COA1: variants seen among roughly 807,000 people sequenced by gnomAD.
COA1 encodes the protein cytochrome c oxidase assembly factor 1 homolog.
Under a neutral mutation model 16.0 loss-of-function variants are expected in COA1, and 13 were observed. The ratio of observed to expected loss-of-function variants is 0.81; its 90% CI spans 0.53 to 1.29. The LOEUF is 1.29. COA1 is among the 50% of genes most tolerant of loss of function. COA1 has a pLI of 0.00. For missense variants in COA1, 179 were observed against 177.0 expected, an observed-to-expected ratio of 1.01 and a Z score of -0.06; for synonymous variants, 65 against 65.7, an observed-to-expected ratio of 0.99 and a Z score of 0.05.
At position 43,609,792 on chromosome 7, in the gene COA1, AC is replaced by A. The variant is rs1182964849; in HGVS notation, c.*134-298del. On this transcript the variant is annotated intron_variant and NMD_transcript_variant, in intron 6 of 6. Coordinates refer to the COA1 transcript ENST00000415076. The stretch of plus-strand genomic sequence containing the variant: ...CTGAGAAGGCCGAAGCCTCTGGACC[AC>A]CCCCAAAAAACTTTCCCATCCTGAA... Among the ~76,000 whole-genome samples, 2 of 152,160 alleles carry A rather than the reference AC, an allele frequency of 1.3e-5. 1 individual carries two copies. The highest frequency in any genetic ancestry group is 4.1e-4 in the South Asian group (2 of 4,826).
At chr7:43,667,761 G>A (rs2092979067) in intron 1 of COA1, among the ~76,000 whole-genome samples, 1 of 152,208 alleles carries the variant, frequency 6.6e-6, no homozygotes, top group African/African-American at 2.4e-5. Context: ...CTAATTAAAT[G>A]GACTGGACTC....
chr7:43,689,169 T>C (rs1198495356), intron 1 of COA1, among the ~76,000 whole-genome samples: 1 of 152,222 alleles, frequency 6.6e-6, no homozygotes. Context: ...CAGATAGAAA[T>C]GAGTGATTCC....
At chr7:43,623,725 A>G (rs1326681930) in intron 6 of COA1, 1 of 1,606,784 alleles carries the variant, frequency 6.2e-7, no homozygotes, top group Admixed American at 1.7e-5. Flanking sequence ...TGGAGTGTTA[A>G]CATATGTCAT....
chr7:43,698,233 G>A (rs77664025), intron 1 of COA1, among the ~76,000 whole-genome samples: 1,686 of 152,242 alleles, frequency 0.011, 29 homozygotes, highest in African/African-American at 0.037. Flanking sequence ...AAATCAGAAA[G>A]GTTAATTTCA....
chr7:43,714,495 G>A (rs2095339742), intron 1 of COA1, among the ~76,000 whole-genome samples: 1 of 151,834 alleles, frequency 6.6e-6, no homozygotes, highest in African/African-American at 2.4e-5. Flanking sequence ...CGGGTATGGT[G>A]GTGCAAGCCT....
intron 4 of COA1, among the ~76,000 whole-genome samples, chr7:43,644,229 C>G (rs572644831): frequency 2.6e-5 from 4 of 152,318 alleles, no homozygotes; most frequent in African/African-American, 7.2e-5. Context: ...CAGGGTTTCC[C>G]TCACCCTGTC....
chr7:43,668,509 T>A (rs1047668774), intron 1 of COA1, among the ~76,000 whole-genome samples: 1 of 152,226 alleles, frequency 6.6e-6, no homozygotes, highest in Non-Finnish European at 1.5e-5. Flanking sequence ...AAATGAGGAC[T>A]GGAGAGAGAA....
At chr7:43,609,530 T>C (rs893843580) in intron 6 of COA1, 2 of 152,182 alleles carry the variant, frequency 1.3e-5, no homozygotes, top group Non-Finnish European at 2.9e-5. Flanking sequence ...CAGGAGACAA[T>C]AAAGGTCCAC....
intron 1 of COA1, among the ~76,000 whole-genome samples, chr7:43,716,119 GA>G (rs2095389019): frequency 6.6e-6 from 1 of 152,140 alleles, no homozygotes; most frequent in African/African-American, 2.4e-5. Context: ...TCAACAGCAT[GA>G]AAACGGACTA....
chr7:43,639,942 T>C (rs1338972641), intron 5 of COA1, among the ~76,000 whole-genome samples: 1 of 152,202 alleles, frequency 6.6e-6, no homozygotes, highest in Non-Finnish European at 1.5e-5. Context: ...GAGCAGTTTA[T>C]TTCTCATTTC....
At chr7:43,656,981 G>C (rs1006190434) in intron 1 of COA1, among the ~76,000 whole-genome samples, 2 of 152,086 alleles carry the variant, frequency 1.3e-5, no homozygotes, top group African/African-American at 4.8e-5. Context: ...GACTGTTTGA[G>C]TCCAGGAGTT....
Position 43,690,773 on chromosome 7 carries a change from G to A in COA1, c.-39+38656C>T, listed in dbSNP as rs576869966. Among the ~76,000 whole-genome samples, 20 of 152,236 alleles carry A rather than the reference G, an allele frequency of 1.3e-4. No individual in the cohort carries two copies. The East Asian group carries it at 3.5e-3, about 26-fold the overall frequency. Reference sequence around the variant, plus strand: ...TCCTAATGAATAAAGGGGGAAAAAAGCAAGACTCATTGATACACTGCCTGT... The same window carrying A: ...TCCTAATGAATAAAGGGGGAAAAAAACAAGACTCATTGATACACTGCCTGT... On this transcript the variant is annotated intron_variant, in intron 1 of 5. Transcript: ENST00000223336.
At chr7:43,709,698 A>T (rs912951236) in intron 1 of COA1, among the ~76,000 whole-genome samples, 2 of 151,980 alleles carry the variant, frequency 1.3e-5, no homozygotes, top group Non-Finnish European at 2.9e-5. Context: ...TATTTTTTTT[A>T]ATTTCATATC....
At chr7:43,656,817 T>C (rs2091781122) in intron 1 of COA1, among the ~76,000 whole-genome samples, 2 of 134,452 alleles carry the variant, frequency 1.5e-5, no homozygotes, top group Admixed American at 8.1e-5. Flanking sequence ...ACCGCAAATA[T>C]TAAAAAAGAA....
chr7:43,672,985 C>T (rs1384919307), intron 1 of COA1, among the ~76,000 whole-genome samples: 2 of 152,116 alleles, frequency 1.3e-5, no homozygotes, highest in South Asian at 4.1e-4. Flanking sequence ...TGAAACTGGA[C>T]TCCTTCCTTA....
intron 6 of COA1, chr7:43,624,390 G>T: frequency 1.2e-6 from 1 of 864,902 alleles, no homozygotes; most frequent in Non-Finnish European, 1.7e-6. Context: ...TTTTATTCAG[G>T]AATCACAGTA....
At chr7:43,680,026 A>C (rs1011291912) in intron 1 of COA1, among the ~76,000 whole-genome samples, 3 of 152,188 alleles carry the variant, frequency 2.0e-5, no homozygotes, top group African/African-American at 7.2e-5. Flanking sequence ...TTCAGAGATA[A>C]TAAATAATGG....
intron 1 of COA1, among the ~76,000 whole-genome samples, chr7:43,668,220 TA>T (rs1351975913): frequency 1.3e-5 from 2 of 152,222 alleles, no homozygotes; most frequent in Non-Finnish European, 2.9e-5. Flanking sequence ...TGTCACTTTC[TA>T]ACAGGTCCAG....
rs1477816275 is a variant in COA1 at position 43,729,486 on chromosome 7, G to T, written c.-96C>A. Reference sequence around the variant, plus strand: ...GCATGACGAGTTCTTCCAGGCTTGGGAAAGCACGGGTAAATGCCCGCGGTC... The same window carrying T: ...GCATGACGAGTTCTTCCAGGCTTGGTAAAGCACGGGTAAATGCCCGCGGTC... On this transcript the variant is annotated 5_prime_UTR_variant, in exon 1 of 6. Coordinates refer to ENST00000223336, the MANE Select transcript of COA1 (RefSeq NM_018224.4). 1 of 152,342 alleles carries T rather than the reference G, an allele frequency of 6.6e-6. No homozygotes were observed. Among genetic ancestry groups the T allele is most frequent in the South Asian group, 2.1e-4 (1 of 4,838 alleles). 9.4% of individuals were successfully genotyped at this position (152,342 alleles called of 1,614,324 possible).
Sources: allele counts gnomAD v4.1 joint callset (sites outside exome capture counted in the v4.1 genomes callset), GRCh38; gene constraint gnomAD v4.1.1; transcripts MANE v1.5; gene names NCBI Gene and HGNC (gene_info 2026-07-23, HGNC 2026-07-21).